CTNNA3: variants seen among roughly 807,000 people sequenced by gnomAD.
The protein encoded by CTNNA3 is catenin alpha-3.
Under a neutral mutation model 95.7 loss-of-function variants are expected in CTNNA3, and 76 were observed. The observed-to-expected ratio is 0.79, with a 90% CI of 0.66 to 0.96. CTNNA3 has a LOEUF of 0.96. Ranked by LOEUF, CTNNA3 falls within the 40% of genes least tolerant of loss-of-function variation. The pLI, the probability that CTNNA3 is intolerant of heterozygous loss-of-function variation, is 0.00. For synonymous variants in CTNNA3, 431 were observed against 374.4 expected (o/e 1.15, Z -1.74); for missense variants, 1,191 against 1,089.8 (o/e 1.09, Z -1.31).
At chr10:66,348,667 G>A (rs1391038721) in intron 12 of CTNNA3, among the ~76,000 whole-genome samples, 2 of 152,032 alleles carry the variant, frequency 1.3e-5, no homozygotes, top group Non-Finnish European at 2.9e-5. Flanking sequence ...TTTTAATAAG[G>A]AAAAGAAGCT....
intron 1 of CTNNA3, among the ~76,000 whole-genome samples, chr10:67,685,210 T>C (rs1840707115): frequency 6.6e-6 from 1 of 152,234 alleles, no homozygotes; most frequent in Non-Finnish European, 1.5e-5. Flanking sequence ...GTTGAAAACC[T>C]TGTAAGTTTG....
At chr10:67,692,097 G>A (rs1840874402) in intron 1 of CTNNA3, among the ~76,000 whole-genome samples, 1 of 146,492 alleles carries the variant, frequency 6.8e-6, no homozygotes, top group Non-Finnish European at 1.5e-5. Flanking sequence ...CCGGCCAGCT[G>A]CCCCCTCCGG....
chr10:66,607,624 T>A (rs1844177015), intron 10 of CTNNA3, among the ~76,000 whole-genome samples: 1 of 152,060 alleles, frequency 6.6e-6, no homozygotes, highest in Non-Finnish European at 1.5e-5. Context: ...CAAGGAGGCT[T>A]CATGCCTGGG....
At chr10:67,635,665 T>C (rs372780888) in intron 2 of CTNNA3, among the ~76,000 whole-genome samples, 1 of 152,052 alleles carries the variant, frequency 6.6e-6, no homozygotes, top group East Asian at 1.9e-4. Context: ...TGAAGGAATA[T>C]ACCTCAAAAA....
At chr10:67,128,853 A>G (rs567741112) in intron 7 of CTNNA3, among the ~76,000 whole-genome samples, 3 of 152,284 alleles carry the variant, frequency 2.0e-5, no homozygotes, top group Non-Finnish European at 2.9e-5. Flanking sequence ...AAAAAATACA[A>G]TTCCTCATTT....
intron 8 of CTNNA3, among the ~76,000 whole-genome samples, chr10:66,773,037 A>T (rs1840157297): frequency 6.6e-6 from 1 of 152,222 alleles, no homozygotes; most frequent in East Asian, 1.9e-4. Context: ...TAAGAACAAG[A>T]AGTAGAGATA....
intron 7 of CTNNA3, among the ~76,000 whole-genome samples, chr10:66,824,961 T>C (rs1842444748): frequency 2.0e-5 from 3 of 151,944 alleles, no homozygotes. Flanking sequence ...ATATCAGATG[T>C]TAACAATAGG....
At chr10:66,806,942 C>T (rs531780488) in intron 7 of CTNNA3, among the ~76,000 whole-genome samples, 3 of 151,800 alleles carry the variant, frequency 2.0e-5, no homozygotes, top group Non-Finnish European at 4.4e-5. Context: ...GAAACCAAAC[C>T]AGTAAAACAC....
Position 66,515,349 on chromosome 10 carries a change from A to C in CTNNA3, c.1531+5268T>G, listed in dbSNP as rs531173859. 2.2e-3 allele frequency among the ~76,000 whole-genome samples: 304 copies of C among 136,952 alleles called. 2 individuals are homozygous for C. Among genetic ancestry groups the C allele is most frequent in the African/African-American group, 4.8e-3 (171 of 35,338 alleles). 89.8% of individuals were successfully genotyped at this position (136,952 alleles called of 152,430 possible). A position where few individuals can be genotyped will look rare whatever the true frequency, so the allele number is the denominator to read the frequency against. Reference sequence around the variant, plus strand: ...TCTCTGTCTCTCTCTCTCTCTCTATATATATATATAGTATTAGTATTGACT... The same window carrying C: ...TCTCTGTCTCTCTCTCTCTCTCTATCTATATATATAGTATTAGTATTGACT... On this transcript the variant is annotated intron_variant, in intron 11 of 17. Coordinates refer to ENST00000433211, the MANE Select transcript of CTNNA3 (RefSeq NM_013266.4).
intron 9 of CTNNA3, among the ~76,000 whole-genome samples, chr10:66,629,850 T>G (rs1245270259): frequency 1.3e-5 from 2 of 152,116 alleles, no homozygotes; most frequent in Non-Finnish European, 2.9e-5. Flanking sequence ...TTCACACCAC[T>G]TATACTTGCT....
At chr10:66,525,374 T>A (rs1841217644) in intron 10 of CTNNA3, among the ~76,000 whole-genome samples, 1 of 152,160 alleles carries the variant, frequency 6.6e-6, no homozygotes, top group East Asian at 1.9e-4. Context: ...CTAATTTTTT[T>A]AACCTAATTT....
chr10:65,960,267 C>T (rs988743648), intron 17 of CTNNA3, among the ~76,000 whole-genome samples: 10 of 151,150 alleles, frequency 6.6e-5, no homozygotes, highest in Non-Finnish European at 1.5e-5. Flanking sequence ...CTGGGTGCAG[C>T]GGCTCACACC....
intron 7 of CTNNA3, among the ~76,000 whole-genome samples, chr10:67,175,894 T>G (rs1862217477): frequency 6.6e-6 from 1 of 152,182 alleles, no homozygotes; most frequent in Non-Finnish European, 1.5e-5. Context: ...ATTGATTTCC[T>G]GAAGATCATT....
intron 5 of CTNNA3, among the ~76,000 whole-genome samples, chr10:67,256,152 A>G (rs1341524805): frequency 6.6e-6 from 1 of 152,216 alleles, no homozygotes; most frequent in Non-Finnish European, 1.5e-5. Flanking sequence ...TAGAGATTTA[A>G]GACAATTAGC....
chr10:66,235,480 T>C (rs112450458), intron 13 of CTNNA3, among the ~76,000 whole-genome samples: 5,107 of 151,796 alleles, frequency 0.034, 283 homozygotes, highest in African/African-American at 0.12. Context: ...TATAAAATAA[T>C]TATTTTATTA....
intron 13 of CTNNA3, among the ~76,000 whole-genome samples, chr10:66,109,569 C>T (rs925812677): frequency 6.6e-6 from 1 of 152,168 alleles, no homozygotes; most frequent in Non-Finnish European, 1.5e-5. Context: ...CTTGGCCCAA[C>T]ATAGGTAGCA....
chr10:66,038,368 C>G (rs2079610817), intron 15 of CTNNA3, among the ~76,000 whole-genome samples: 1 of 152,132 alleles, frequency 6.6e-6, no homozygotes. Flanking sequence ...GGATCAGCCT[C>G]TCTAACCTCT....
intron 5 of CTNNA3, among the ~76,000 whole-genome samples, chr10:67,261,969 T>C (rs894842194): frequency 1.3e-5 from 2 of 152,222 alleles, no homozygotes; most frequent in Non-Finnish European, 2.9e-5. Flanking sequence ...GCACTGACTA[T>C]GTGTTGAGAA....
chr10:67,132,193 G>T (rs1432179959), intron 7 of CTNNA3, among the ~76,000 whole-genome samples: 9 of 152,098 alleles, frequency 5.9e-5, no homozygotes, highest in Non-Finnish European at 1.0e-4. Context: ...TATGTTTCTA[G>T]CTTGGGTGCT....
Sources: allele counts gnomAD v4.1 joint callset (sites outside exome capture counted in the v4.1 genomes callset), GRCh38; gene constraint gnomAD v4.1.1; transcripts MANE v1.5; gene names NCBI Gene and HGNC (gene_info 2026-07-23, HGNC 2026-07-21).